ABCA13: variants seen among roughly 807,000 people sequenced by gnomAD.
The protein encoded by ABCA13 is ATP binding cassette subfamily A member 13.
A neutral mutation model predicts 478.7 loss-of-function variants in ABCA13; 476 were observed. That is an observed-to-expected ratio of 0.99 (90% confidence interval 0.92 to 1.07). The LOEUF is 1.07. Among genes scored for constraint, ABCA13 ranks in the 50% least tolerant of loss-of-function variants. The probability of loss-of-function intolerance (pLI) is 0.00; values close to 1 mark genes in which losing one functional copy is unlikely to be tolerated. For synonymous variants in ABCA13, 2,252 were observed against 2,158.9 expected (o/e 1.04, Z -1.20); for missense variants, 6,060 against 5,910.6 (o/e 1.03, Z -0.83).
chr7:48,301,910 A>G (rs1158499713), intron 23 of ABCA13, among the ~76,000 whole-genome samples: 1 of 152,030 alleles, frequency 6.6e-6, no homozygotes, highest in African/African-American at 2.4e-5. Flanking sequence ...AATTCCAGCT[A>G]CTCTCCTTCC....
intron 15 of ABCA13, among the ~76,000 whole-genome samples, chr7:48,256,941 C>T (rs1032982559): frequency 2.6e-5 from 4 of 152,138 alleles, no homozygotes; most frequent in Admixed American, 2.0e-4. Flanking sequence ...TATCCATGAA[C>T]ATGGGATGTT....
intron 42 of ABCA13, among the ~76,000 whole-genome samples, chr7:48,438,724 T>G (rs1353281874): frequency 6.6e-6 from 1 of 152,030 alleles, no homozygotes; most frequent in East Asian, 1.9e-4. Flanking sequence ...CTTTCCTCAT[T>G]TTATCGCTCT....
rs769681646 is a variant in ABCA13 at position 48,313,197 on chromosome 7, T to A, written c.9647T>A (p.Ile3216Asn). 3.1e-6 allele frequency: 5 copies of A among 1,612,542 alleles called. No homozygotes were observed. The highest frequency in any genetic ancestry group is 3.3e-5 in the Admixed American group (2 of 59,848). ...CCTGAGTTTCTTCACACATTTAAAA[T>A]CACTGCCTTGCTAGAAACCCTGGAC... is the stretch of plus-strand genomic sequence containing the variant. ...YLPEFLHTFK[I>N]TALLETLDFQ... Residue 3216 changes from isoleucine (I) to asparagine (N), a missense_variant, in exon 25 of 62, where the codon ATC becomes AAC. Physicochemically the swap from Ile to Asn is moderately radical, Grantham distance 149. Transcript: ENST00000435803.
chr7:48,622,739 T>C (rs1384217672), intron 59 of ABCA13, among the ~76,000 whole-genome samples: 1 of 152,206 alleles, frequency 6.6e-6, no homozygotes, highest in Non-Finnish European at 1.5e-5. Context: ...TCTTATATAG[T>C]GCTTACTGTA....
chr7:48,234,103 T>C lies in ABCA13; in HGVS notation c.849T>C (p.Asp283=). 7 of 1,614,022 alleles carry C rather than the reference T, an allele frequency of 4.3e-6. No homozygotes were observed. Among genetic ancestry groups the C allele is most frequent in the Non-Finnish European group, 5.9e-6 (7 of 1,179,882 alleles). The part of the protein sequence containing the change: ...QYDLKSQFGF[D]DLHTEQILNS... ...ATCTCAAATCCCAGTTTGGCTTTGA[T>C]GATCTTCACACGGAACAGATCCTGA... Residue 283 remains aspartate (D), a synonymous_variant, in exon 8 of 62, where the codon GAT becomes GAC. Coordinates refer to ENST00000435803, the MANE Select transcript of ABCA13 (RefSeq NM_152701.5).
In ABCA13 at chr7:48,490,150, T is replaced by C. The variant is rs999289320; in HGVS notation, c.13291+806T>C. On this transcript the variant is annotated intron_variant, in intron 48 of 61. Coordinates refer to ENST00000435803, the MANE Select transcript of ABCA13 (RefSeq NM_152701.5). ...TTTTTAACAAAGTAAATTTAATTAT[T>C]TTGTGGCATTGTAATTATTTTGGAA... is the stretch of plus-strand genomic sequence containing the variant. 2.0e-5 allele frequency among the ~76,000 whole-genome samples: 3 copies of C among 152,328 alleles called. No homozygotes were observed. The East Asian group carries it at 5.8e-4, about 29-fold the overall frequency.
intron 32 of ABCA13, among the ~76,000 whole-genome samples, chr7:48,371,816 C>CA (rs1429911941): frequency 1.3e-5 from 2 of 152,154 alleles, no homozygotes; most frequent in African/African-American, 4.8e-5. Context: ...CCAGAACTTC[C>CA]AATACAGTGT....
intron 59 of ABCA13, among the ~76,000 whole-genome samples, chr7:48,641,139 G>T (rs1192905860): frequency 3.3e-5 from 5 of 152,124 alleles, no homozygotes; most frequent in African/African-American, 9.7e-5. Flanking sequence ...AATTTAGCAT[G>T]AATTTTTCAA....
At chr7:48,600,392 G>A (rs1311577121) in intron 58 of ABCA13, among the ~76,000 whole-genome samples, 1 of 151,452 alleles carries the variant, frequency 6.6e-6, no homozygotes, top group Non-Finnish European at 1.5e-5. Flanking sequence ...TTTTGTGGGA[G>A]GTATTTAAAC....
rs1796572527 is a variant in ABCA13 at position 48,278,305 on chromosome 7, A to T, written c.7111A>T (p.Arg2371Trp). ...GCAAGATTTATTTAATGCCCTTCTC[A>T]GGGAAACTTCAATGAAAAATAAGAC... Reference protein sequence around the residue: ...FMQDLFNALLRETSMKNKTEN... With the variant: ...FMQDLFNALLWETSMKNKTEN... The change falls in exon 18 of 62, where the codon AGG becomes TGG. Residue 2371 changes from arginine to tryptophan, a missense_variant. Around this residue, in one of 3 missense-constraint regions of ABCA13, gnomAD observed 4,423 missense variants for 4,309.1 expected, o/e 1.03. Transcript: ENST00000435803. The T allele has an allele frequency of 6.2e-7, 1 of 1,612,682 alleles. No individual in the cohort carries two copies. Among genetic ancestry groups the T allele is most frequent in the Admixed American group, 1.7e-5 (1 of 59,806 alleles).
At chr7:48,469,175 A>C (rs1291999877) in intron 44 of ABCA13, among the ~76,000 whole-genome samples, 1 of 152,230 alleles carries the variant, frequency 6.6e-6, no homozygotes, top group Non-Finnish European at 1.5e-5. Flanking sequence ...GAGATGGATA[A>C]GGTTTATTTT....
At chr7:48,360,433 A>G (rs879128963) in intron 31 of ABCA13, among the ~76,000 whole-genome samples, 1 of 151,996 alleles carries the variant, frequency 6.6e-6, no homozygotes. Context: ...AGAAGGGGAA[A>G]CATACAGAGA....
At chr7:48,485,219 C>T (rs12718276) in intron 47 of ABCA13, among the ~76,000 whole-genome samples, 5,867 of 152,054 alleles carry the variant, frequency 0.039, 137 homozygotes, top group South Asian at 0.12. Context: ...ATTTGAATAT[C>T]CACTGAGAGT....
At chr7:48,512,700 T>G (rs1831795655) in intron 51 of ABCA13, among the ~76,000 whole-genome samples, 1 of 152,202 alleles carries the variant, frequency 6.6e-6, no homozygotes, top group South Asian at 2.1e-4. Context: ...TTTAGAAATT[T>G]TTATTAGTTG....
chr7:48,224,459 T>G (rs1178886858), intron 5 of ABCA13, among the ~76,000 whole-genome samples: 1 of 152,198 alleles, frequency 6.6e-6, no homozygotes, highest in African/African-American at 2.4e-5. Context: ...CAGCATGGCC[T>G]GTGCAGGTCC....
chr7:48,602,205 T>A (rs1415359653), intron 58 of ABCA13, among the ~76,000 whole-genome samples: 1 of 152,238 alleles, frequency 6.6e-6, no homozygotes, highest in Non-Finnish European at 1.5e-5. Flanking sequence ...TTTCGTTTGC[T>A]GTGCAGAAGC....
intron 51 of ABCA13, among the ~76,000 whole-genome samples, chr7:48,513,423 A>G (rs571763882): frequency 6.6e-6 from 1 of 152,360 alleles, no homozygotes; most frequent in Admixed American, 6.5e-5. Context: ...AGGGAGAATT[A>G]GCATCCAAAA....
At position 48,578,969 on chromosome 7, in the gene ABCA13, C is replaced by A. The variant is rs140769965; in HGVS notation, c.14355-1255C>A. Among the ~76,000 whole-genome samples the A allele has an allele frequency of 2.4e-3, 372 of 152,276 alleles. 3 individuals carry two copies. Among genetic ancestry groups the A allele is most frequent in the African/African-American group, 8.8e-3 (364 of 41,558 alleles). On this transcript the variant is annotated intron_variant, in intron 55 of 61. Coordinates refer to ENST00000435803, the MANE Select transcript of ABCA13 (RefSeq NM_152701.5). ...ATGAATCTGGGCACTTAACTTATAC[C>A]TGTGACAAAAATTAACTCCAAGTGG...
At chr7:48,257,760 TTTG>T (rs758417176) in intron 15 of ABCA13, among the ~76,000 whole-genome samples, 86 of 152,024 alleles carry the variant, frequency 5.7e-4, no homozygotes, top group Non-Finnish European at 9.6e-4. Context: ...GCCTGAAATT[TTTG>T]TTGTTGTTGT....
Sources: gnomAD v4.1 joint callset for allele counts (sites outside exome capture counted in the v4.1 genomes callset) on GRCh38, gnomAD v4.1.1 for gene constraint, gnomAD v4.1.1 regional missense constraint, MANE v1.5 for transcripts, NCBI Gene and HGNC (gene_info 2026-07-23, HGNC 2026-07-21) for gene names.